Variants in RAB33A observed in about 807,000 individuals in gnomAD.
RAB33A encodes RAB33A, member RAS oncogene family, also known as ras-related protein Rab-33A.
Under a neutral mutation model 12.0 loss-of-function variants are expected in RAB33A, and 6 were observed. The observed-to-expected ratio is 0.50, with a 90% CI of 0.27 to 0.99. The LOEUF (loss-of-function observed/expected upper bound fraction) is 0.99, where lower values mean the gene tolerates loss of function less well. RAB33A is among the 50% of genes least tolerant of loss of function. The pLI is 0.11. For synonymous variants in RAB33A, 70 were observed against 82.4 expected, an observed-to-expected ratio of 0.85 and a Z score of 0.81; for missense variants, 109 against 192.0, an observed-to-expected ratio of 0.57 and a Z score of 2.55.
At chrX:130,147,958 C>T in the RAB33A span, 17 of 1,136,048 alleles carry the variant, frequency 1.5e-5, no homozygotes, top group Non-Finnish European at 2.1e-5. Context: ...AATCACCTTG[C>T]ACTTGTCTCA....
chrX:130,146,449 A>ATGTGTG, the RAB33A span, among the ~76,000 whole-genome samples: 28 of 65,140 alleles, frequency 4.3e-4, no homozygotes, highest in African/African-American at 1.8e-3. Flanking sequence ...GTCTCTCAAA[A>ATGTGTG]TATGTGTGTG....
intron 1 of RAB33A, among the ~76,000 whole-genome samples, chrX:130,174,826 G>A (rs747502467): frequency 1.9e-4 from 21 of 110,807 alleles, no homozygotes; most frequent in Non-Finnish European, 3.4e-4. Flanking sequence ...CTGATTTGGT[G>A]TAGTTAGAGC....
the RAB33A span, among the ~76,000 whole-genome samples, chrX:130,153,103 C>T: frequency 8.8e-5 from 9 of 101,991 alleles, no homozygotes; most frequent in African/African-American, 2.9e-4. Flanking sequence ...GAGGCCGAGG[C>T]GGGTGGATCA....
the RAB33A span, among the ~76,000 whole-genome samples, chrX:130,126,237 T>C: frequency 7.1e-5 from 8 of 112,004 alleles, no homozygotes. Context: ...ATGCCTGTAA[T>C]CTCAGCACTT....
chrX:130,181,007 C>CAAAAA lies in RAB33A; in HGVS notation c.259-3255_259-3251dup, dbSNP rs60085312. ...TGGGCAACAGAGCAACAGTCCATCT[C>CAAAAA]AAAAAAAAAAAAAAAAAAAAAAAAA... is the stretch of plus-strand genomic sequence containing the variant. On this transcript the variant is annotated intron_variant, in intron 1 of 1. Coordinates refer to ENST00000257017, the MANE Select transcript of RAB33A (RefSeq NM_004794.3). 2.8e-3 allele frequency among the ~76,000 whole-genome samples: 23 copies of CAAAAA among 8,129 alleles called. 5 individuals are homozygous for CAAAAA. Among genetic ancestry groups the CAAAAA allele is most frequent in the East Asian group, 0.011 (2 of 174 alleles). 7.1% of individuals were successfully genotyped at this position (8,129 alleles called of 115,157 possible). A position where few individuals can be genotyped will look rare whatever the true frequency, so the allele number is the denominator to read the frequency against.
the RAB33A span, chrX:130,135,925 C>T: frequency 1.0e-6 from 1 of 964,605 alleles, no homozygotes; most frequent in Non-Finnish European, 1.5e-6. Flanking sequence ...GTACCCTCAG[C>T]CTCCAAACAC....
chrX:130,138,768 T>C, the RAB33A span: 4 of 758,274 alleles, frequency 5.3e-6, no homozygotes, highest in African/African-American at 2.0e-5. Context: ...TACTAGAAAG[T>C]AGTTTCTTCT....
the RAB33A span, chrX:130,165,784 C>A: frequency 3.3e-6 from 2 of 601,502 alleles, no homozygotes; most frequent in Non-Finnish European, 5.6e-6. Context: ...CTCCTCCTCC[C>A]AGCTCCGGGT....
At chrX:130,132,106 A>G in the RAB33A span, among the ~76,000 whole-genome samples, 2 of 111,509 alleles carry the variant, frequency 1.8e-5, no homozygotes, top group Admixed American at 9.5e-5. Context: ...TCCTGACCTC[A>G]AGTAATCTGC....
the RAB33A span, chrX:130,133,602 T>A: frequency 1.3e-6 from 1 of 759,926 alleles, no homozygotes; most frequent in Non-Finnish European, 1.9e-6. Context: ...GTACTTAAAC[T>A]AACAAAAACA....
the RAB33A span, chrX:130,110,762 T>G: frequency 2.2e-5 from 2 of 91,024 alleles, no homozygotes; most frequent in African/African-American, 4.1e-5. Context: ...GGGGGCGGGG[T>G]GGAGCGCGCG....
the RAB33A span, among the ~76,000 whole-genome samples, chrX:130,144,895 G>C: frequency 8.9e-6 from 1 of 111,906 alleles, no homozygotes; most frequent in Non-Finnish European, 1.9e-5. Flanking sequence ...CCTAACGAAG[G>C]ACAATCCTTC....
At chrX:130,117,203 A>AGG in the RAB33A span, among the ~76,000 whole-genome samples, 1 of 111,932 alleles carries the variant, frequency 8.9e-6, no homozygotes, top group South Asian at 3.7e-4. Context: ...GACAGAGCAA[A>AGG]AGACTCCATC....
At chrX:130,147,481 A>T in the RAB33A span, 2 of 1,211,301 alleles carry the variant, frequency 1.7e-6, no homozygotes, top group Non-Finnish European at 2.2e-6. Flanking sequence ...CATTTTACAT[A>T]AGCAAACACA....
At chrX:130,120,648 C>T in the RAB33A span, among the ~76,000 whole-genome samples, 1 of 112,541 alleles carries the variant, frequency 8.9e-6, no homozygotes, top group Non-Finnish European at 1.9e-5. Context: ...GGAACCAGCC[C>T]CCGACCTGGG....
the RAB33A span, among the ~76,000 whole-genome samples, chrX:130,153,974 G>A: frequency 8.9e-6 from 1 of 112,317 alleles, no homozygotes; most frequent in African/African-American, 3.2e-5. Flanking sequence ...CTGATTTTAA[G>A]TTCATAGTTC....
the RAB33A span, chrX:130,137,680 T>C: frequency 1.8e-6 from 2 of 1,082,343 alleles, no homozygotes; most frequent in African/African-American, 1.9e-5. Context: ...TAGTCTGCAT[T>C]GCCCTTATCA....
chrX:130,129,214 G>A, the RAB33A span: 38 of 277,904 alleles, frequency 1.4e-4, no homozygotes, highest in African/African-American at 8.7e-4. Flanking sequence ...AGGGAAGTTC[G>A]GAAATGAAAG....
the RAB33A span, chrX:130,165,682 C>T: frequency 8.7e-7 from 1 of 1,143,119 alleles, no homozygotes; most frequent in Admixed American, 2.4e-5. Context: ...TCGGGACCTC[C>T]TCCTTCCCTT....
Sources: allele counts gnomAD v4.1 joint callset (sites outside exome capture counted in the v4.1 genomes callset), GRCh38; gene constraint gnomAD v4.1.1; transcripts MANE v1.5; gene names NCBI Gene and HGNC (gene_info 2026-07-23, HGNC 2026-07-21).